Variants in ANKRD28 observed in about 807,000 individuals in gnomAD.
ANKRD28 encodes the protein serine/threonine-protein phosphatase 6 regulatory ankyrin repeat subunit A.
A neutral mutation model predicts 126.5 loss-of-function variants in ANKRD28; 44 were observed. That is an observed-to-expected ratio of 0.35 (90% CI 0.27 to 0.45). ANKRD28 has a LOEUF of 0.45. ANKRD28 is among the 20% of genes least tolerant of loss of function. The pLI is 1.00. For synonymous variants in ANKRD28, 442 were observed against 468.5 expected, an observed-to-expected ratio of 0.94 and a Z score of 0.73; for missense variants, 1,110 against 1,316.6, an observed-to-expected ratio of 0.84 and a Z score of 2.43.
intron 4 of ANKRD28, among the ~76,000 whole-genome samples, chr3:15,750,849 A>T (rs1348346111): frequency 6.6e-6 from 1 of 152,178 alleles, no homozygotes; most frequent in Non-Finnish European, 1.5e-5. Flanking sequence ...TTAACCTCAC[A>T]ATTTGAATAA....
intron 1 of ANKRD28, among the ~76,000 whole-genome samples, chr3:15,852,832 C>CAAAAAA (rs71064237): frequency 2.8e-4 from 18 of 63,948 alleles, no homozygotes; most frequent in African/African-American, 3.8e-4. Context: ...GACTCTGTCT[C>CAAAAAA]AAAAAAAAAA....
intron 17 of ANKRD28, among the ~76,000 whole-genome samples, chr3:15,693,765 A>T (rs2069140340): frequency 6.6e-6 from 1 of 152,200 alleles, no homozygotes; most frequent in Non-Finnish European, 1.5e-5. Flanking sequence ...AGGGCAAAGA[A>T]GTAGAAAGCT....
At chr3:15,856,791 C>T (rs2061777137) in intron 1 of ANKRD28, among the ~76,000 whole-genome samples, 1 of 152,172 alleles carries the variant, frequency 6.6e-6, no homozygotes, top group Admixed American at 6.5e-5. Flanking sequence ...TGCTTAAATG[C>T]ACAAAGAAAA....
chr3:15,810,263 T>C (rs1169644868), intron 1 of ANKRD28, among the ~76,000 whole-genome samples: 1 of 151,968 alleles, frequency 6.6e-6, no homozygotes, highest in Non-Finnish European at 1.5e-5. Flanking sequence ...CTGGGACAAC[T>C]TCTCTGGGAG....
At chr3:15,852,029 T>G (rs1301287248) in intron 1 of ANKRD28, among the ~76,000 whole-genome samples, 1 of 152,154 alleles carries the variant, frequency 6.6e-6, no homozygotes, top group African/African-American at 2.4e-5. Flanking sequence ...AGAGACAGAA[T>G]AGTAGTCGTC....
intron 1 of ANKRD28, among the ~76,000 whole-genome samples, chr3:15,819,190 A>AT (rs2060891929): frequency 6.6e-6 from 1 of 152,142 alleles, no homozygotes; most frequent in East Asian, 1.9e-4. Context: ...AGGTGGGAGG[A>AT]TTGCTTGAGC....
rs558569881 is a variant in ANKRD28 at position 15,811,564 on chromosome 3, C to T, written c.28-16258G>A. Among the ~76,000 whole-genome samples the T allele has an allele frequency of 9.9e-5, 15 of 152,174 alleles. 1 individual carries two copies. The South Asian group carries it at 3.1e-3, about 32-fold the overall frequency. ...CTGTCTCCTGGGTTCAAGCGATTCT[C>T]CTGCCTCAGCCTCCAGAGGAGCTGG... On this transcript the variant is annotated intron_variant, in intron 1 of 27. Transcript: ENST00000399451.
chr3:15,778,469 T>C lies in ANKRD28; in HGVS notation c.202-12157A>G, dbSNP rs117386011. Among the ~76,000 whole-genome samples the C allele has an allele frequency of 7.9e-4, 120 of 152,272 alleles. 1 individual carries two copies. The East Asian group carries it at 0.018, about 23-fold the overall frequency. ...GCTCATTCAGGAAATGGTCAGTTCT[T>C]TGTCCTTCTAAGACCTCCATTTTCC... On this transcript the variant is annotated intron_variant, in intron 2 of 27. Transcript: ENST00000683139.
chr3:15,711,028 C>A (rs1430683451), intron 12 of ANKRD28, among the ~76,000 whole-genome samples, 183 bp downstream of exon 12: 1 of 152,030 alleles, frequency 6.6e-6, no homozygotes, highest in East Asian at 1.9e-4. Context: ...TCATAACCTA[C>A]AACTTGGCTG....
At chr3:15,772,961 A>G (rs1575620753) in intron 2 of ANKRD28, among the ~76,000 whole-genome samples, 1 of 152,156 alleles carries the variant, frequency 6.6e-6, no homozygotes, top group African/African-American at 2.4e-5. Context: ...TGAAAGAGTG[A>G]ATGTTTTTTT....
chr3:15,770,115 C>A (rs565129054), intron 2 of ANKRD28, among the ~76,000 whole-genome samples: 1 of 151,830 alleles, frequency 6.6e-6, no homozygotes, highest in African/African-American at 2.4e-5. Context: ...GAACACTTGC[C>A]ATATAGGTTG....
chr3:15,842,865 C>T (rs2061452302), intron 1 of ANKRD28, among the ~76,000 whole-genome samples: 1 of 152,140 alleles, frequency 6.6e-6, no homozygotes, highest in African/African-American at 2.4e-5. Flanking sequence ...ACTCAAACAA[C>T]TTTGATTTAC....
chr3:15,737,118 A>G lies in ANKRD28; in HGVS notation c.467T>C (p.Leu156Ser), dbSNP rs2075070326. 6.2e-7 allele frequency: 1 copy of G among 1,614,008 alleles called. No individual in the cohort carries two copies. The highest frequency in any genetic ancestry group is 8.5e-7 in the Non-Finnish European group (1 of 1,179,894). ...GTTTACATTACTCAGAAGAGGTACC[A>G]AAGCTTCAGCACACTTTACAGCTTT... ...ANKAVKCAEALVPLLSNVNVS... is the reference protein window; with the variant it reads ...ANKAVKCAEASVPLLSNVNVS... Residue 156 changes from leucine (L) to serine (S), a missense_variant, in exon 5 of 28, where the codon TTG (leucine) becomes TCG (serine). Physicochemically the swap from Leu to Ser is moderately radical, Grantham distance 145 (BLOSUM62 -2). Transcript: ENST00000683139.
At chr3:15,692,253 C>G (rs1467093818) in intron 17 of ANKRD28, among the ~76,000 whole-genome samples, 1 of 151,538 alleles carries the variant, frequency 6.6e-6, no homozygotes, top group Non-Finnish European at 1.5e-5. Context: ...GAGTTTGAGA[C>G]TAGCCTGGGC....
intron 2 of ANKRD28, among the ~76,000 whole-genome samples, chr3:15,782,034 C>A (rs922780602): frequency 6.6e-6 from 1 of 152,072 alleles, no homozygotes; most frequent in African/African-American, 2.4e-5. Flanking sequence ...TTTTCCTAAT[C>A]ATTCCCCATG....
intron 2 of ANKRD28, among the ~76,000 whole-genome samples, chr3:15,789,345 G>A (rs1408079193): frequency 6.6e-6 from 1 of 152,006 alleles, no homozygotes; most frequent in Non-Finnish European, 1.5e-5. Flanking sequence ...ATTCTGCTTT[G>A]CTGGTGAATT....
At position 15,853,830 on chromosome 3, in the gene ANKRD28, C is replaced by A. The variant is rs1305895425; in HGVS notation, c.27+5547G>T. Among the ~76,000 whole-genome samples, 1 of 151,962 alleles carries A rather than the reference C, an allele frequency of 6.6e-6. No homozygotes were observed. The highest frequency in any genetic ancestry group is 1.5e-5 in the Non-Finnish European group (1 of 67,996). On this transcript the variant is annotated intron_variant, in intron 1 of 27. Transcript: ENST00000399451. The surrounding 1 kb of genome is among the most constrained non-coding windows in gnomAD (Gnocchi z 4.2). Reference sequence around the variant, plus strand: ...AATTTACCCTACTGGAACTATGTATCCAAAAAATTACCAATTATCATACAA... The same window carrying A: ...AATTTACCCTACTGGAACTATGTATACAAAAAATTACCAATTATCATACAA...
intron 4 of ANKRD28, among the ~76,000 whole-genome samples, chr3:15,742,022 G>C (rs1395579512): frequency 6.6e-6 from 1 of 152,154 alleles, no homozygotes; most frequent in Non-Finnish European, 1.5e-5. Flanking sequence ...TGCAGACGGA[G>C]TCTGGTTCAC....
At chr3:15,743,378 A>G (rs1203262901) in intron 4 of ANKRD28, among the ~76,000 whole-genome samples, 1 of 152,082 alleles carries the variant, frequency 6.6e-6, no homozygotes, top group Non-Finnish European at 1.5e-5. Context: ...AAACAAACAA[A>G]AAAAAACAAA....
Sources: allele counts gnomAD v4.1 joint callset (sites outside exome capture counted in the v4.1 genomes callset), GRCh38; gene constraint gnomAD v4.1.1; non-coding constraint Gnocchi (gnomAD v3.1); transcripts MANE v1.5; gene names NCBI Gene and HGNC (gene_info 2026-07-23, HGNC 2026-07-21).